The following MIA3 variants were observed in gnomAD, a reference collection of about 807,000 sequenced individuals.
The protein encoded by MIA3 is transport and Golgi organization protein 1 homolog.
MIA3 carries 90 observed loss-of-function variants against 192.4 expected under a neutral mutation model. That is an observed-to-expected ratio of 0.47 (90% confidence interval 0.39 to 0.56). The LOEUF (loss-of-function observed/expected upper bound fraction) is 0.56. Ranked by LOEUF, MIA3 falls within the 20% of genes least tolerant of loss-of-function variation. The pLI is 0.00. For missense variants in MIA3, 2,123 were observed against 2,269.4 expected (o/e 0.94, Z 1.31); for synonymous variants, 740 against 792.8 (o/e 0.93, Z 1.12).
intron 8 of MIA3, among the ~76,000 whole-genome samples, chr1:222,649,074 A>G (rs1237803445): frequency 6.6e-6 from 1 of 152,228 alleles, no homozygotes; most frequent in Non-Finnish European, 1.5e-5. Context: ...TAGGGAGAAG[A>G]TCATTAATTT....
intron 2 of MIA3, 50 bp downstream of exon 2, chr1:222,621,342 T>TAAAG (rs1661847369): frequency 6.4e-7 from 1 of 1,555,172 alleles, no homozygotes; most frequent in Middle Eastern, 1.7e-4. Context: ...ATTGGCTTCT[T>TAAAG]TAGCACTGTA....
At chr1:222,623,607 T>C (rs2124825064) in intron 2 of MIA3, among the ~76,000 whole-genome samples, 2 of 152,300 alleles carry the variant, frequency 1.3e-5, no homozygotes, top group South Asian at 4.1e-4. Flanking sequence ...CTAATCTCCA[T>C]GGCAGTATTT....
intron 26 of MIA3, chr1:222,663,107 A>G (rs1268816616): frequency 1.3e-5 from 2 of 152,214 alleles, no homozygotes; most frequent in Non-Finnish European, 2.9e-5. Context: ...AGAGTTTCCA[A>G]CCCACTTTCC....
Position 222,629,864 on chromosome 1 carries a change from A to T in MIA3, c.2644A>T (p.Asn882Tyr). ...EGELSKEDHE[N>Y]TEKYMGTESQ... The stretch of plus-strand genomic sequence containing the variant: ...AGAACTCTCAAAAGAGGACCATGAG[A>T]ACACAGAGAAGTACATGGGCACAGA... Residue 882 changes from asparagine (N) to tyrosine (Y), a missense_variant, in exon 4 of 28, where the codon AAC becomes TAC. Physicochemically the swap from Asn to Tyr is moderately radical, Grantham distance 143. Transcript: ENST00000344922. 1 of 1,613,750 alleles carries T rather than the reference A, an allele frequency of 6.2e-7. No homozygotes were observed. Among genetic ancestry groups the T allele is most frequent in the Middle Eastern group, 1.7e-4 (1 of 6,060 alleles).
At position 222,628,792 on chromosome 1, in the gene MIA3, A is replaced by C. The variant is rs748699729; in HGVS notation, c.1572A>C (p.Thr524=). 4.3e-6 allele frequency: 7 copies of C among 1,614,072 alleles called. No homozygotes were observed. In the Admixed American group the frequency reaches 1.2e-4, roughly 27 times the overall value. The change falls in exon 4 of 28, where the codon ACA becomes ACC. Residue 524 remains threonine, a synonymous_variant. Transcript: ENST00000344922. The stretch of plus-strand genomic sequence containing the variant: ...CATTAAAATCAGCTTATGATGATAC[A>C]GAAAATGACCTAAAAGGAGCAGCTA... The part of the protein sequence containing the change: ...KDTLKSAYDD[T]ENDLKGAAIH...
intron 2 of MIA3, among the ~76,000 whole-genome samples, chr1:222,621,887 C>A (rs1321347319): frequency 3.3e-5 from 5 of 150,482 alleles, no homozygotes; most frequent in African/African-American, 4.9e-5. Context: ...CGGCTCACTG[C>A]AAGCTCCGCC....
chr1:222,618,267 G>A, intron 1 of MIA3, 24 bp downstream of exon 1: 1 of 1,375,292 alleles, frequency 7.3e-7, no homozygotes. Context: ...AGGGGCGGCT[G>A]GCCTCGGGGC....
chr1:222,647,291 T>G (rs1393941472), intron 7 of MIA3, among the ~76,000 whole-genome samples: 2 of 152,194 alleles, frequency 1.3e-5, no homozygotes, highest in African/African-American at 4.8e-5. Context: ...TATATAGCAT[T>G]CAGCTGCATA....
Position 222,629,814 on chromosome 1 carries a change from C to T in MIA3, c.2594C>T (p.Ser865Leu). 6.2e-7 allele frequency: 1 copy of T among 1,613,990 alleles called. No homozygotes were observed. The highest frequency in any genetic ancestry group is 8.5e-7 in the Non-Finnish European group (1 of 1,179,974). ...NDNPEEHLKT[S>L]GLAGEPEGEL... ...AACCCTGAGGAACATCTGAAGACCTCAGGGCTTGCAGGGGAGCCTGAGGGA... is the reference window on the plus strand; with the variant it reads ...AACCCTGAGGAACATCTGAAGACCTTAGGGCTTGCAGGGGAGCCTGAGGGA... Residue 865 changes from serine to leucine, a missense_variant, in exon 4 of 28, where the codon TCA becomes TTA. By Grantham distance (145) the Ser-to-Leu change is moderately radical. Around this residue, in one of 3 missense-constraint regions of MIA3, gnomAD observed 1,357 missense variants for 1,396.1 expected, o/e 0.97. Coordinates refer to ENST00000344922, the MANE Select transcript of MIA3 (RefSeq NM_198551.4).
In MIA3 at chr1:222,632,993, C is replaced by T. The variant is rs35230576; in HGVS notation, c.3332-111C>T. On this transcript the variant is annotated intron_variant, in intron 5 of 27. Transcript: ENST00000344922. ...GTAAACATCCAGTGAGAGATGAGAA[C>T]GTTTACTTTCCAGGCACAGTGCCTA... The T allele has an allele frequency of 6.8e-3, 7,403 of 1,092,574 alleles. 342 individuals carry two copies. The African/African-American group carries it at 0.099, about 15-fold the overall frequency. 67.7% of individuals were successfully genotyped at this position (1,092,574 alleles called of 1,614,324 possible). A position where few individuals can be genotyped will look rare whatever the true frequency, so the allele number is the denominator to read the frequency against.
chr1:222,618,323 C>T (rs1048968720), intron 1 of MIA3, 80 bp downstream of exon 1: 67 of 1,248,690 alleles, frequency 5.4e-5, no homozygotes, highest in Admixed American at 8.6e-5. Flanking sequence ...TCCGCGGCGG[C>T]GCCGCCTGGG....
intron 6 of MIA3, among the ~76,000 whole-genome samples, chr1:222,642,307 CCTAA>C (rs900115193): frequency 1.5e-4 from 23 of 152,000 alleles, no homozygotes; most frequent in Non-Finnish European, 1.0e-4. Context: ...GAAAAAAAAT[CCTAA>C]CTTTCTTAGA....
At chr1:222,618,683 G>A (rs1333221031) in intron 1 of MIA3, among the ~76,000 whole-genome samples, 1 of 151,936 alleles carries the variant, frequency 6.6e-6, no homozygotes, top group Admixed American at 6.5e-5. Context: ...TCCTGCCCGC[G>A]CTGCGGGGAC....
rs1662198381 is a variant in MIA3 at position 222,628,021 on chromosome 1, G to GA, written c.807dup (p.Glu270ArgfsTer15). On this transcript the variant is annotated frameshift_variant, in exon 4 of 28. Transcript: ENST00000344922. LOFTEE classifies it high-confidence loss of function. ...ATAAGATTGATGCCTATAAACTTTT[G>GA]AAAAAAGAAATGACTCTAGACTTGA... 6.2e-7 allele frequency: 1 copy of GA among 1,613,792 alleles called. No homozygotes were observed. The highest frequency in any genetic ancestry group is 8.5e-7 in the Non-Finnish European group (1 of 1,179,910).
At chr1:222,636,733 C>T (rs1217405998) in intron 6 of MIA3, among the ~76,000 whole-genome samples, 3 of 152,108 alleles carry the variant, frequency 2.0e-5, no homozygotes, top group South Asian at 2.1e-4. Context: ...AGGCTGGTCT[C>T]GAACTCCTGA....
intron 6 of MIA3, among the ~76,000 whole-genome samples, chr1:222,634,884 A>G (rs1007146601): frequency 2.0e-5 from 3 of 152,374 alleles, no homozygotes; most frequent in South Asian, 4.1e-4. Context: ...TTGAACCTCA[A>G]CTTTCTCATC....
intron 20 of MIA3, 31 bp from the exon 21 acceptor site, chr1:222,659,591 T>C: frequency 6.2e-7 from 1 of 1,612,952 alleles, no homozygotes; most frequent in South Asian, 1.1e-5. Flanking sequence ...TGAATCTGTA[T>C]GCATATTTTG....
Position 222,628,965 on chromosome 1 carries a change from T to A in MIA3, c.1745T>A (p.Leu582His). ...CAGGAATCCCTGGGTAGTGCACCAC[T>A]CATGGGAGATGACCACCCTAACGCA... is the stretch of plus-strand genomic sequence containing the variant. ...IQQESLGSAP[L>H]MGDDHPNASR... Residue 582 changes from leucine (L) to histidine (H), a missense_variant, in exon 4 of 28, where the codon CTC (leucine) becomes CAC (histidine). Leu to His is a moderately conservative substitution (Grantham distance 99). Coordinates refer to ENST00000344922, the MANE Select transcript of MIA3 (RefSeq NM_198551.4). The A allele has an allele frequency of 6.2e-7, 1 of 1,614,114 alleles. No homozygotes were observed. Among genetic ancestry groups the A allele is most frequent in the South Asian group, 1.1e-5 (1 of 91,078 alleles).
intron 6 of MIA3, chr1:222,641,565 GT>G: frequency 5.9e-6 from 3 of 509,760 alleles, no homozygotes; most frequent in South Asian, 4.3e-5. Flanking sequence ...TCTTCAAGAA[GT>G]CCTTGGCATC....
Sources: gnomAD v4.1 joint callset for allele counts (sites outside exome capture counted in the v4.1 genomes callset) on GRCh38, gnomAD v4.1.1 for gene constraint, gnomAD v4.1.1 regional missense constraint, MANE v1.5 for transcripts, NCBI Gene and HGNC (gene_info 2026-07-23, HGNC 2026-07-21) for gene names.